The following ST6GALNAC5 variants were observed in gnomAD, a reference collection of about 807,000 sequenced individuals.
ST6GALNAC5 encodes the protein ST6 N-acetylgalactosaminide alpha-2,6-sialyltransferase 5.
A neutral mutation model predicts 33.6 loss-of-function variants in ST6GALNAC5; 27 were observed. That is an observed-to-expected ratio of 0.80 (90% CI 0.59 to 1.11). The LOEUF (loss-of-function observed/expected upper bound fraction) is 1.11. Among genes scored for constraint, ST6GALNAC5 ranks in the 50% least tolerant of loss-of-function variants. The pLI is 0.00. For synonymous variants in ST6GALNAC5, 194 were observed against 171.2 expected (o/e 1.13, Z -1.04); for missense variants, 428 against 454.0 (o/e 0.94, Z 0.52).
At chr1:76,964,732 A>G (rs1354633643) in intron 2 of ST6GALNAC5, among the ~76,000 whole-genome samples, 4 of 151,966 alleles carry the variant, frequency 2.6e-5, no homozygotes, top group Admixed American at 2.6e-4. Flanking sequence ...TACATTAGGT[A>G]TTTCTCCTAA....
At chr1:76,922,750 G>A (rs1174637921) in intron 2 of ST6GALNAC5, among the ~76,000 whole-genome samples, 1 of 151,736 alleles carries the variant, frequency 6.6e-6, no homozygotes, top group Non-Finnish European at 1.5e-5. Flanking sequence ...ACCAGCCTGG[G>A]CAACATGGCA....
At chr1:77,008,373 T>G (rs985224282) in intron 2 of ST6GALNAC5, among the ~76,000 whole-genome samples, 2 of 152,174 alleles carry the variant, frequency 1.3e-5, no homozygotes, top group African/African-American at 4.8e-5. Flanking sequence ...CTTGGGCAAA[T>G]GACTTAACCT....
chr1:77,050,358 T>G lies in ST6GALNAC5; in HGVS notation c.772T>G (p.Phe258Val), dbSNP rs2100469536. The stretch of plus-strand genomic sequence containing the variant: ...TGTTTATGGCATGGTGCCCCCAGAC[T>G]TCTGCAGGTAGGATTTATTCTGCAA... ...INVYGMVPPD[F>V]CRDPNHPSVP... Residue 258 changes from phenylalanine to valine, a missense_variant, in exon 4 of 5, where the codon TTC becomes GTC. Transcript: ENST00000477717. The G allele has an allele frequency of 6.2e-7, 1 of 1,613,886 alleles. No individual in the cohort carries two copies. Among genetic ancestry groups the G allele is most frequent in the East Asian group, 2.2e-5 (1 of 44,874 alleles).
chr1:76,916,799 G>T (rs111453128), intron 2 of ST6GALNAC5, among the ~76,000 whole-genome samples: 1 of 151,988 alleles, frequency 6.6e-6, no homozygotes, highest in African/African-American at 2.4e-5. Context: ...TGTTACCATG[G>T]CTATGGCTTC....
At chr1:77,037,305 A>T (rs772782740) in intron 2 of ST6GALNAC5, among the ~76,000 whole-genome samples, 9 of 152,240 alleles carry the variant, frequency 5.9e-5, no homozygotes, top group Non-Finnish European at 1.0e-4. Flanking sequence ...AAGAACAGAA[A>T]ACCAGATGCC....
intron 2 of ST6GALNAC5, 48 bp from the exon 3 acceptor site, chr1:77,044,156 G>A (rs1470531297): frequency 3.9e-6 from 6 of 1,546,144 alleles, no homozygotes. Context: ...GCTGAGTGAG[G>A]GTTAAGCCCT....
At chr1:77,052,917 CAAA>C (rs34398611) in intron 4 of ST6GALNAC5, among the ~76,000 whole-genome samples, 9 of 69,966 alleles carry the variant, frequency 1.3e-4, no homozygotes, top group African/African-American at 5.1e-4. Context: ...GGCTCTGTCT[CAAA>C]AAAAAAAAAA....
intron 2 of ST6GALNAC5, among the ~76,000 whole-genome samples, chr1:77,040,397 A>T (rs1334067043): frequency 6.6e-6 from 1 of 152,240 alleles, no homozygotes; most frequent in African/African-American, 2.4e-5. Flanking sequence ...GACATAATCA[A>T]TACCAGAGCT....
At chr1:77,052,132 A>G (rs1462314703) in intron 4 of ST6GALNAC5, among the ~76,000 whole-genome samples, 1 of 152,164 alleles carries the variant, frequency 6.6e-6, no homozygotes, top group African/African-American at 2.4e-5. Flanking sequence ...ATCATCCCCA[A>G]AGCTTTGATA....
At chr1:76,915,732 T>C (rs539197814) in intron 2 of ST6GALNAC5, among the ~76,000 whole-genome samples, 1 of 151,668 alleles carries the variant, frequency 6.6e-6, no homozygotes, top group South Asian at 2.1e-4. Context: ...TTAGGAGATA[T>C]ACCTAATGCT....
intron 2 of ST6GALNAC5, among the ~76,000 whole-genome samples, chr1:76,962,909 G>T (rs1214995463): frequency 6.6e-6 from 1 of 152,118 alleles, no homozygotes. Flanking sequence ...TTTACCAAGA[G>T]CATTGAAGGA....
chr1:76,884,615 C>T (rs898871111), intron 2 of ST6GALNAC5, among the ~76,000 whole-genome samples: 1 of 152,090 alleles, frequency 6.6e-6, no homozygotes, highest in Non-Finnish European at 1.5e-5. Flanking sequence ...AGAATAAATA[C>T]TAGAGTAAGA....
intron 2 of ST6GALNAC5, among the ~76,000 whole-genome samples, chr1:76,935,344 T>C (rs1189853038): frequency 6.6e-6 from 1 of 152,046 alleles, no homozygotes; most frequent in Non-Finnish European, 1.5e-5. Flanking sequence ...GTTAATGTTA[T>C]CCCTTGTGCA....
chr1:76,907,212 C>T (rs2100274182), intron 2 of ST6GALNAC5, among the ~76,000 whole-genome samples: 1 of 152,148 alleles, frequency 6.6e-6, no homozygotes, highest in Non-Finnish European at 1.5e-5. Context: ...CATTTCTATA[C>T]CAAAACCATT....
At chr1:76,936,333 T>C (rs771249584) in intron 2 of ST6GALNAC5, among the ~76,000 whole-genome samples, 35 of 152,088 alleles carry the variant, frequency 2.3e-4, no homozygotes, top group Non-Finnish European at 4.4e-4. Flanking sequence ...CCTATGATTT[T>C]CTTTATTTTG....
chr1:77,024,674 T>C (rs915902221), intron 2 of ST6GALNAC5, among the ~76,000 whole-genome samples: 1 of 152,204 alleles, frequency 6.6e-6, no homozygotes, highest in African/African-American at 2.4e-5. Flanking sequence ...CTTTGATATG[T>C]GAGACCCAGA....
intron 2 of ST6GALNAC5, among the ~76,000 whole-genome samples, chr1:76,965,221 C>CT (rs961195300): frequency 1.3e-5 from 2 of 150,774 alleles, no homozygotes; most frequent in Non-Finnish European, 2.9e-5. Flanking sequence ...TACCACCCCC[C>CT]CCACCAACAG....
intron 3 of ST6GALNAC5, 106 bp downstream of exon 3, chr1:77,044,719 A>T (rs1651952116): frequency 1.3e-5 from 18 of 1,358,040 alleles, no homozygotes; most frequent in Non-Finnish European, 1.8e-5. Flanking sequence ...TGTGGGCTCC[A>T]CTGCTCATGT....
intron 2 of ST6GALNAC5, among the ~76,000 whole-genome samples, chr1:77,004,144 T>C (rs1362859590): frequency 6.6e-6 from 1 of 151,850 alleles, no homozygotes; most frequent in Non-Finnish European, 1.5e-5. Flanking sequence ...AGACGTAGAT[T>C]TGGTCTTTTC....
Sources: allele counts gnomAD v4.1 joint callset (sites outside exome capture counted in the v4.1 genomes callset), GRCh38; gene constraint gnomAD v4.1.1; transcripts MANE v1.5; gene names NCBI Gene and HGNC (gene_info 2026-07-23, HGNC 2026-07-21).